Variants in CLEC2A observed in about 807,000 individuals in gnomAD.
CLEC2A encodes C-type lectin domain family 2 member A, also known as keratinocyte-associated C-type lectin.
Under a neutral mutation model 18.6 loss-of-function variants are expected in CLEC2A, and 19 were observed. The ratio of observed to expected loss-of-function variants is 1.02; its 90% CI spans 0.71 to 1.50. The LOEUF (loss-of-function observed/expected upper bound fraction) is 1.50, where lower values mean the gene tolerates loss of function less well. CLEC2A is among the 40% of genes most tolerant of loss of function. CLEC2A has a pLI of 0.00. For missense variants in CLEC2A, 190 were observed against 207.9 expected, an observed-to-expected ratio of 0.91 and a Z score of 0.53; for synonymous variants, 74 against 64.0, an observed-to-expected ratio of 1.16 and a Z score of -0.75.
At chr12:9,921,459 C>T (rs1453693629) in intron 3 of CLEC2A, among the ~76,000 whole-genome samples, 1 of 152,048 alleles carries the variant, frequency 6.6e-6, no homozygotes, top group African/African-American at 2.4e-5. Flanking sequence ...TGGTGGTCTG[C>T]ACCTGTAGTC....
intron 2 of CLEC2A, among the ~76,000 whole-genome samples, chr12:9,922,915 C>T (rs1348915140): frequency 1.3e-5 from 2 of 152,118 alleles, no homozygotes; most frequent in African/African-American, 4.8e-5. Flanking sequence ...CCTACTCCAC[C>T]ATGATTTATT....
chr12:9,932,354 C>A lies in CLEC2A; in HGVS notation c.-25G>T. The A allele has an allele frequency of 6.4e-7, 1 of 1,551,434 alleles. No individual in the cohort carries two copies. The highest frequency in any genetic ancestry group is 1.2e-5 in the South Asian group (1 of 83,988). ...TGGCAAGGCGCTAACCGATGGAGAT[C>A]AGTAGGAGAGGACTAGAAAGCTTTT... On this transcript the variant is annotated 5_prime_UTR_variant, in exon 1 of 5. Transcript: ENST00000455827.
At chr12:9,891,047 A>AT in the CLEC2A span, among the ~76,000 whole-genome samples, 7,468 of 137,842 alleles carry the variant, frequency 0.054, 340 homozygotes, top group African/African-American at 0.13. Flanking sequence ...CCTCCTTTTA[A>AT]TTTTTTTTTT....
At chr12:9,911,410 AT>A (rs1862984687), downstream of CLEC2A, among the ~76,000 whole-genome samples, 1 of 152,188 alleles carries the variant, frequency 6.6e-6, no homozygotes, top group Non-Finnish European at 1.5e-5. Context: ...CCTCTCTGGC[AT>A]GAATTAATGG....
chr12:9,917,926 C>T (rs1863099269), intron 3 of CLEC2A, among the ~76,000 whole-genome samples: 1 of 152,000 alleles, frequency 6.6e-6, no homozygotes, highest in Admixed American at 6.6e-5. Flanking sequence ...TCTTTATGCC[C>T]TTTGCCCAAT....
chr12:9,918,947 G>C (rs1194765184), intron 3 of CLEC2A, among the ~76,000 whole-genome samples: 1 of 152,158 alleles, frequency 6.6e-6, no homozygotes, highest in Non-Finnish European at 1.5e-5. Context: ...TTTAGAGGGG[G>C]TTATGTTAGT....
the CLEC2A span, among the ~76,000 whole-genome samples, chr12:9,880,402 A>G: frequency 6.6e-6 from 1 of 152,184 alleles, no homozygotes; most frequent in Non-Finnish European, 1.5e-5. Context: ...AGGAGACTCA[A>G]TAATCAGGTG....
chr12:9,919,094 T>A (rs1863120302), intron 3 of CLEC2A, among the ~76,000 whole-genome samples: 2 of 152,204 alleles, frequency 1.3e-5, no homozygotes, highest in South Asian at 2.1e-4. Context: ...TCTCTCTCAA[T>A]GTTCTGAAAA....
chr12:9,919,951 C>T (rs775755726), intron 3 of CLEC2A, among the ~76,000 whole-genome samples: 4 of 152,170 alleles, frequency 2.6e-5, no homozygotes, highest in Non-Finnish European at 5.9e-5. Flanking sequence ...GCAGTCTGGC[C>T]ACTTTTTTGT....
intron 4 of CLEC2A, among the ~76,000 whole-genome samples, chr12:9,905,987 C>T (rs1565527999): frequency 6.6e-6 from 1 of 150,942 alleles, no homozygotes; most frequent in African/African-American, 2.4e-5. Context: ...ATTTCTTCCC[C>T]CAAGTGGTGA....
the CLEC2A span, among the ~76,000 whole-genome samples, chr12:9,891,284 C>T: frequency 6.6e-6 from 1 of 152,162 alleles, no homozygotes. Context: ...TAAAGAGTTG[C>T]TCAATAAATG....
the CLEC2A span, among the ~76,000 whole-genome samples, chr12:9,880,410 G>A: frequency 6.6e-6 from 1 of 152,090 alleles, no homozygotes; most frequent in Non-Finnish European, 1.5e-5. Context: ...CAATAATCAG[G>A]TGAACACAAC....
chr12:9,892,857 T>C, the CLEC2A span, among the ~76,000 whole-genome samples: 1 of 151,102 alleles, frequency 6.6e-6, no homozygotes, highest in African/African-American at 2.4e-5. Context: ...GTGCTGGGAT[T>C]ACAGGCGTGA....
At chr12:9,913,777 C>A (rs1281915801) in intron 4 of CLEC2A, 97 bp from the exon 5 acceptor site, 2 of 733,294 alleles carry the variant, frequency 2.7e-6, no homozygotes, top group Middle Eastern at 2.4e-4. Flanking sequence ...TTATACCAAA[C>A]ACTGAGCTCC....
intron 2 of CLEC2A, among the ~76,000 whole-genome samples, chr12:9,925,929 C>T (rs886513212): frequency 6.6e-6 from 1 of 152,146 alleles, no homozygotes; most frequent in Non-Finnish European, 1.5e-5. Flanking sequence ...CTTTCTGTGC[C>T]CTGAGCAATG....
chr12:9,928,871 C>T (rs1432390900), intron 1 of CLEC2A, among the ~76,000 whole-genome samples: 3 of 152,052 alleles, frequency 2.0e-5, no homozygotes, highest in Non-Finnish European at 2.9e-5. Flanking sequence ...ATAGGGGAAC[C>T]GAAACACATA....
intron 4 of CLEC2A, among the ~76,000 whole-genome samples, chr12:9,902,326 T>C (rs756617795): frequency 6.0e-5 from 9 of 151,172 alleles, no homozygotes; most frequent in Non-Finnish European, 8.8e-5. Context: ...CTCTGCCTCC[T>C]GGGTTCAAGC....
At chr12:9,906,934 T>A (rs1862915867) in intron 4 of CLEC2A, among the ~76,000 whole-genome samples, 1 of 152,244 alleles carries the variant, frequency 6.6e-6, no homozygotes, top group South Asian at 2.1e-4. Context: ...CATTTCTTTC[T>A]ATTAGAATAG....
At chr12:9,910,461 CCTT>C (rs1862968136), downstream of CLEC2A, among the ~76,000 whole-genome samples, 1 of 152,106 alleles carries the variant, frequency 6.6e-6, no homozygotes, top group South Asian at 2.1e-4. Flanking sequence ...TCTTGCCCTC[CCTT>C]CTTCTAGAAG....
Sources: allele counts gnomAD v4.1 joint callset (sites outside exome capture counted in the v4.1 genomes callset), GRCh38; gene constraint gnomAD v4.1.1; transcripts MANE v1.5; gene names NCBI Gene and HGNC (gene_info 2026-07-23, HGNC 2026-07-21).